MLIP: variants seen among roughly 807,000 people sequenced by gnomAD.
MLIP encodes the protein muscular LMNA-interacting protein.
MLIP carries 79 observed loss-of-function variants against 84.8 expected under a neutral mutation model. The ratio of observed to expected loss-of-function variants is 0.93; its 90% CI spans 0.78 to 1.12. The LOEUF is 1.12. MLIP is among the 50% of genes most tolerant of loss of function. The probability of loss-of-function intolerance (pLI) is 0.00; values close to 1 mark genes in which losing one functional copy is unlikely to be tolerated. For missense variants in MLIP, 1,257 were observed against 1,160.6 expected (o/e 1.08, Z -1.21); for synonymous variants, 504 against 463.0 (o/e 1.09, Z -1.14).
At chr6:54,257,501 C>T (rs1229099070) in intron 13 of MLIP, 140 bp downstream of exon 13, 2 of 616,008 alleles carry the variant, frequency 3.2e-6, no homozygotes, top group Non-Finnish European at 5.6e-6. Flanking sequence ...TTCACTCTGT[C>T]AGTCACAAGG....
At chr6:54,099,515 A>T (rs1015364932) in intron 1 of MLIP, 4 of 152,278 alleles carry the variant, frequency 2.6e-5, no homozygotes, top group African/African-American at 9.6e-5. Context: ...GGAAAAAAAA[A>T]ATATATAGCT....
At chr6:54,204,581 T>C (rs1253469762) in intron 11 of MLIP, among the ~76,000 whole-genome samples, 2 of 152,200 alleles carry the variant, frequency 1.3e-5, no homozygotes, top group Admixed American at 1.3e-4. Context: ...AATTCATGCA[T>C]TTTACTTCAA....
At chr6:54,081,134 C>G (rs951103741) in intron 1 of MLIP, among the ~76,000 whole-genome samples, 1 of 152,166 alleles carries the variant, frequency 6.6e-6, no homozygotes, top group Non-Finnish European at 1.5e-5. Flanking sequence ...CCCTCTGACA[C>G]TGATGCCTCA....
chr6:54,095,372 T>C (rs1768138156), intron 1 of MLIP, among the ~76,000 whole-genome samples: 1 of 152,192 alleles, frequency 6.6e-6, no homozygotes, highest in South Asian at 2.1e-4. Flanking sequence ...GGGTCTCAGC[T>C]AACCCACCTT....
chr6:54,237,586 C>T (rs1241091578), intron 12 of MLIP, among the ~76,000 whole-genome samples: 1 of 151,534 alleles, frequency 6.6e-6, no homozygotes, highest in East Asian at 1.9e-4. Flanking sequence ...TGGCTCATGC[C>T]TGTAATCCCA....
chr6:54,159,638 C>T (rs539278700), intron 5 of MLIP, among the ~76,000 whole-genome samples: 10 of 151,792 alleles, frequency 6.6e-5, no homozygotes, highest in East Asian at 5.8e-4. Context: ...ACCCAGCAGA[C>T]GTATTAGATG....
At chr6:54,175,722 A>G (rs1394488467) in intron 9 of MLIP, among the ~76,000 whole-genome samples, 1 of 152,008 alleles carries the variant, frequency 6.6e-6, no homozygotes, top group Non-Finnish European at 1.5e-5. Flanking sequence ...TTTCTTTCCA[A>G]TTTAGGTGCC....
intron 4 of MLIP, 133 bp from the exon 5 acceptor site, chr6:54,148,923 A>G: frequency 1.6e-6 from 1 of 634,744 alleles, no homozygotes; most frequent in Non-Finnish European, 2.7e-6. Flanking sequence ...TCTGTCAGAA[A>G]CAAGTTGTTC....
chr6:54,254,233 T>G (rs1782838727), intron 12 of MLIP, among the ~76,000 whole-genome samples: 1 of 151,476 alleles, frequency 6.6e-6, no homozygotes, highest in South Asian at 2.1e-4. Context: ...TTCAAGCAAT[T>G]CTCCTGCCTC....
rs935760691 is a variant in MLIP, at chr6:54,215,076, C to T, written c.2718+12843C>T. 4.5e-5 allele frequency: 56 copies of T among 1,256,160 alleles called. 1 individual carries two copies. Among genetic ancestry groups the T allele is most frequent in the Non-Finnish European group, 5.1e-5 (46 of 898,802 alleles). The allele number at this position is 1,256,160 out of a possible 1,614,324, so 77.8% of individuals were successfully genotyped here. ...GACCCTGGTCTCTGCCTTTTTGCTC[C>T]TATTTGTAACCTTTTCTACACGCTG... On this transcript the variant is annotated intron_variant, in intron 11 of 13. Transcript: ENST00000502396.
rs189283129 is a variant in MLIP, at chr6:54,138,129, C to T, written c.2060C>T (p.Thr687Ile). The T allele has an allele frequency of 4.9e-4, 751 of 1,536,136 alleles. 2 individuals are homozygous for T. The highest frequency in any genetic ancestry group is 4.8e-3 in the Middle Eastern group (29 of 5,990). The change falls in exon 4 of 14, where the codon ACC becomes ATC. Residue 687 changes from threonine to isoleucine, a missense_variant. Physicochemically the swap from Thr to Ile is moderately conservative, Grantham distance 89 (BLOSUM62 -1). Coordinates refer to ENST00000502396, the MANE Select transcript of MLIP (RefSeq NM_001281747.2). ...CTGCACCCACATTGCGGCAGTGGTACCTTGCCTTCAAGACTTGGGAAATCT... is the reference window on the plus strand; with the variant it reads ...CTGCACCCACATTGCGGCAGTGGTATCTTGCCTTCAAGACTTGGGAAATCT... The part of the protein sequence containing the change: ...SALHPHCGSG[T>I]LPSRLGKSES...
At position 54,118,495 on chromosome 6, in the gene MLIP, C is replaced by T. The variant is rs563969207; in HGVS notation, c.97-2952C>T. ...CCACATGCAGAAGAATGAAACTGGA[C>T]CTCTGTCTTTAACCATATACAAAAC... On this transcript the variant is annotated intron_variant, in intron 1 of 13. Coordinates refer to ENST00000502396, the MANE Select transcript of MLIP (RefSeq NM_001281747.2). 1.6e-4 allele frequency among the ~76,000 whole-genome samples: 24 copies of T among 152,292 alleles called. No individual in the cohort carries two copies. The South Asian group carries it at 3.5e-3, about 22-fold the overall frequency.
At chr6:54,080,692 T>G (rs1767085634) in intron 1 of MLIP, among the ~76,000 whole-genome samples, 1 of 148,484 alleles carries the variant, frequency 6.7e-6, no homozygotes, top group African/African-American at 2.4e-5. Context: ...ATAAAATACA[T>G]AAATTTAATA....
In MLIP at chr6:54,115,462, G is replaced by A. The variant is rs73741435; in HGVS notation, c.96+3887G>A. ...GACTACTAGGGGGATAGTATGGAGC[G>A]ATAAAAAGTGATGGTCAGAGAATGA... On this transcript the variant is annotated intron_variant, in intron 1 of 13. Coordinates refer to ENST00000502396, the MANE Select transcript of MLIP (RefSeq NM_001281747.2). Among the ~76,000 whole-genome samples the A allele has an allele frequency of 5.7e-3, 860 of 152,206 alleles. 14 individuals carry two copies. Among genetic ancestry groups the A allele is most frequent in the African/African-American group, 0.019 (776 of 41,520 alleles).
At chr6:54,056,367 A>C (rs9474721) in intron 1 of MLIP, among the ~76,000 whole-genome samples, 1 of 152,192 alleles carries the variant, frequency 6.6e-6, no homozygotes, top group Non-Finnish European at 1.5e-5. Flanking sequence ...CTTTGGGAGC[A>C]ATTCATAAAG....
intron 1 of MLIP, among the ~76,000 whole-genome samples, chr6:54,023,623 G>A (rs1687803022): frequency 6.6e-6 from 1 of 152,116 alleles, no homozygotes; most frequent in African/African-American, 2.4e-5. Context: ...AGCCTGGAGT[G>A]CAGTGGTGCG....
At position 54,125,209 on chromosome 6, in the gene MLIP, G is replaced by A. The variant is rs528195746; in HGVS notation, c.645+344G>A. On this transcript the variant is annotated intron_variant, in intron 3 of 13. Coordinates refer to ENST00000502396, the MANE Select transcript of MLIP (RefSeq NM_001281747.2). The stretch of plus-strand genomic sequence containing the variant: ...TTTAGTCAAGAAGAGTGTGCTTGGT[G>A]AGCTGGGTCCATCAAGAAGCATATT... 1.5e-3 allele frequency among the ~76,000 whole-genome samples: 235 copies of A among 152,278 alleles called. 1 individual carries two copies. Among genetic ancestry groups the A allele is most frequent in the African/African-American group, 5.3e-3 (220 of 41,558 alleles).
intron 1 of MLIP, among the ~76,000 whole-genome samples, chr6:54,069,107 A>T (rs1766348834): frequency 9.9e-6 from 1 of 101,454 alleles, no homozygotes; most frequent in African/African-American, 2.5e-5. Flanking sequence ...CACTTCGTTC[A>T]TGTTCAGTGG....
At chr6:54,140,519 C>A (rs1285585356) in intron 4 of MLIP, among the ~76,000 whole-genome samples, 1 of 151,958 alleles carries the variant, frequency 6.6e-6, no homozygotes, top group Admixed American at 6.6e-5. Context: ...CAATAGATTT[C>A]TTTGAACAGA....
Sources: gnomAD v4.1 joint callset for allele counts (sites outside exome capture counted in the v4.1 genomes callset) on GRCh38, gnomAD v4.1.1 for gene constraint, MANE v1.5 for transcripts, NCBI Gene and HGNC (gene_info 2026-07-23, HGNC 2026-07-21) for gene names.